The following PRH1 variants were observed in gnomAD, a reference collection of about 807,000 sequenced individuals.
The protein encoded by PRH1 is proline rich protein HaeIII subfamily 1.
PRH1 carries 7 observed loss-of-function variants against 7.9 expected under a neutral mutation model. The observed-to-expected ratio is 0.89, with a 90% confidence interval of 0.50 to 1.67. The LOEUF (loss-of-function observed/expected upper bound fraction) is 1.67, where lower values mean the gene tolerates loss of function less well. Ranked by LOEUF, PRH1 falls within the 40% of genes most tolerant of loss-of-function variation. The pLI is 0.00. For missense variants in PRH1, 109 were observed against 223.6 expected (o/e 0.49, Z 3.27); for synonymous variants, 45 against 80.8 (o/e 0.56, Z 2.38).
chr12:10,882,104 A>G (rs1949410039), intron 3 of PRH1, 113 bp downstream of exon 3: 20 of 1,531,852 alleles, frequency 1.3e-5, no homozygotes, highest in South Asian at 2.6e-5. Flanking sequence ...ATTTTTAGAA[A>G]TGTGTTCCAG....
intron 1 of PRH1, among the ~76,000 whole-genome samples, chr12:11,150,949 T>C (rs1423858724): frequency 1.3e-5 from 2 of 152,236 alleles, no homozygotes; most frequent in Non-Finnish European, 2.9e-5. Flanking sequence ...AACTGTGTTC[T>C]TAAAGATGTC....
intron 1 of PRH1, among the ~76,000 whole-genome samples, chr12:11,125,842 A>T (rs534256473): frequency 6.6e-6 from 1 of 152,376 alleles, no homozygotes; most frequent in South Asian, 2.1e-4. Flanking sequence ...TAAGAATAAC[A>T]TTAAGAGTGT....
Position 11,037,952 on chromosome 12 carries a change from G to A in PRH1, c.-126+9068C>T, listed in dbSNP as rs185560561. Among the ~76,000 whole-genome samples the A allele has an allele frequency of 4.6e-5, 7 of 152,362 alleles. No homozygotes were observed. The South Asian group carries it at 1.4e-3, about 32-fold the overall frequency. On this transcript the variant is annotated intron_variant, in intron 1 of 3. Coordinates refer to the PRH1 transcript ENST00000539853. ...AGATATTCAGGAGGCTGAGATGGGA[G>A]AATCACTTGAGCCCAGGTGGCGGAG...
intron 2 of PRH1, among the ~76,000 whole-genome samples, chr12:10,961,853 T>C (rs1156285115): frequency 2.6e-5 from 4 of 152,222 alleles, no homozygotes; most frequent in Admixed American, 6.5e-5. Context: ...CCTTGTAGCC[T>C]TTCCGGAAAA....
chr12:11,091,115 C>CACACAT lies in PRH1; in HGVS notation n.124-43928_124-43927insATGTGT, dbSNP rs751016037. Among the ~76,000 whole-genome samples, 57 of 25,124 alleles carry CACACAT rather than the reference C, an allele frequency of 2.3e-3. 8 individuals carry two copies. The highest frequency in any genetic ancestry group is 5.7e-3 in the South Asian group (3 of 530). The allele number at this position is 25,124 out of a possible 152,430, so 16.5% of individuals were successfully genotyped here. On this transcript the variant is annotated intron_variant and non_coding_transcript_variant, in intron 1 of 4. Coordinates refer to the PRH1 transcript ENST00000541977. Reference sequence around the variant, plus strand: ...ACACAAATACACACACACACACACACATATATATATATATATATATATATA... The same window carrying CACACAT: ...ACACAAATACACACACACACACACACACACATATATATATATATATATATATATATA...
chr12:10,930,235 T>C (rs748933852), intron 2 of PRH1: 2 of 1,608,346 alleles, frequency 1.2e-6, no homozygotes, highest in Admixed American at 3.3e-5. Flanking sequence ...ATTCATGCAG[T>C]AACTTTTCCC....
chr12:11,143,706 G>C (rs1397370443), intron 1 of PRH1, among the ~76,000 whole-genome samples: 1 of 152,142 alleles, frequency 6.6e-6, no homozygotes, highest in Non-Finnish European at 1.5e-5. Context: ...AGACAAAATA[G>C]ATTTCAAGAC....
At position 10,925,150 on chromosome 12, in the gene PRH1, T is replaced by G. The variant is rs535331624; in HGVS notation, c.-58-40875A>C. 1.4e-4 allele frequency among the ~76,000 whole-genome samples: 22 copies of G among 152,290 alleles called. No individual in the cohort carries two copies. In the South Asian group the frequency reaches 4.2e-3, roughly 29 times the overall value. ...TCTCCACTGCAGAGAGCTTTCTTCT[T>G]TCACTTATTAAACTTTTGCTCCAAC... On this transcript the variant is annotated intron_variant, in intron 2 of 3. Coordinates refer to the PRH1 transcript ENST00000539853.
intron 1 of PRH1, among the ~76,000 whole-genome samples, chr12:11,085,741 T>A (rs1211076953): frequency 8.5e-6 from 1 of 117,008 alleles, no homozygotes; most frequent in Non-Finnish European, 2.0e-5. Context: ...GAATTCTCAA[T>A]TCCAGGCATA....
chr12:11,099,810 C>G (rs1462174147), intron 1 of PRH1, among the ~76,000 whole-genome samples: 1 of 152,160 alleles, frequency 6.6e-6, no homozygotes, highest in Admixed American at 6.5e-5. Context: ...TAAAAGAACT[C>G]TGCTAAACCA....
intron 1 of PRH1, among the ~76,000 whole-genome samples, chr12:11,106,345 T>C (rs1397972853): frequency 1.3e-5 from 2 of 152,220 alleles, no homozygotes; most frequent in East Asian, 3.9e-4. Context: ...ATTTCCAAAA[T>C]GGAAAATTAA....
At chr12:10,962,051 TGCTGCCC>T (rs1938262346) in intron 2 of PRH1, among the ~76,000 whole-genome samples, 1 of 152,216 alleles carries the variant, frequency 6.6e-6, no homozygotes, top group African/African-American at 2.4e-5. Flanking sequence ...TCCCTGCCAT[TGCTGCCC>T]TGGACTTACC....
intron 1 of PRH1, among the ~76,000 whole-genome samples, chr12:11,010,660 A>G (rs1413609922): frequency 6.6e-6 from 1 of 151,874 alleles, no homozygotes; most frequent in Non-Finnish European, 1.5e-5. Flanking sequence ...GAAAATTTCT[A>G]TTGTGTCATA....
chr12:10,927,277 T>G (rs1313769855), intron 2 of PRH1, among the ~76,000 whole-genome samples: 1 of 152,196 alleles, frequency 6.6e-6, no homozygotes. Context: ...TTTGTTCCCT[T>G]TCTCTGGCCT....
At chr12:11,154,346 A>G (rs1947190054) in intron 1 of PRH1, among the ~76,000 whole-genome samples, 3 of 152,228 alleles carry the variant, frequency 2.0e-5, no homozygotes, top group Admixed American at 1.3e-4. Flanking sequence ...TAAATAAGAG[A>G]AAACACAAGT....
chr12:11,011,996 T>C (rs1941089302), intron 1 of PRH1, among the ~76,000 whole-genome samples: 1 of 152,136 alleles, frequency 6.6e-6, no homozygotes, highest in African/African-American at 2.4e-5. Context: ...TAAACTTGTG[T>C]CTCATGCTTA....
chr12:11,098,058 T>TACA (rs1945114603), intron 1 of PRH1, among the ~76,000 whole-genome samples: 1 of 62,686 alleles, frequency 1.6e-5, no homozygotes, highest in Non-Finnish European at 4.5e-5. Context: ...TTGGCATTTT[T>TACA]GAACACTAAC....
chr12:11,033,128 C>A (rs143770328), intron 1 of PRH1, among the ~76,000 whole-genome samples: 11 of 152,012 alleles, frequency 7.2e-5, no homozygotes, highest in Non-Finnish European at 1.2e-4. Context: ...CCAGCGCAGG[C>A]GAGGTTGAGG....
chr12:11,093,383 A>C lies in PRH1; in HGVS notation n.124-46195T>G, dbSNP rs1309071641. ...CTTCATTATTCACAAACTCATAAATATGCACACAAATACACACGTGCACAC... is the reference window on the plus strand; with the variant it reads ...CTTCATTATTCACAAACTCATAAATCTGCACACAAATACACACGTGCACAC... On this transcript the variant is annotated intron_variant and non_coding_transcript_variant, in intron 1 of 4. Transcript: ENST00000541977. Among the ~76,000 whole-genome samples the C allele has an allele frequency of 7.8e-5, 9 of 116,026 alleles. 2 individuals are homozygous for C. The highest frequency in any genetic ancestry group is 2.6e-4 in the African/African-American group (9 of 34,590). 76.1% of individuals were successfully genotyped at this position (116,026 alleles called of 152,430 possible).
Sources: gnomAD v4.1 joint callset for allele counts (sites outside exome capture counted in the v4.1 genomes callset) on GRCh38, gnomAD v4.1.1 for gene constraint, MANE v1.5 for transcripts, NCBI Gene and HGNC (gene_info 2026-07-23, HGNC 2026-07-21) for gene names.